Variants in TMEM120A observed in about 807,000 individuals in gnomAD.
The protein encoded by TMEM120A is ion channel TACAN.
In TMEM120A, 45 loss-of-function variants were observed where a neutral mutation model predicts 54.3. The ratio of observed to expected loss-of-function variants is 0.83; its 90% CI spans 0.65 to 1.06. TMEM120A has a LOEUF of 1.06. Among genes scored for constraint, TMEM120A ranks in the 50% least tolerant of loss-of-function variants. The pLI, the probability that TMEM120A is intolerant of heterozygous loss-of-function variation, is 0.00. For missense variants in TMEM120A, 424 were observed against 441.7 expected, an observed-to-expected ratio of 0.96 and a Z score of 0.36; for synonymous variants, 204 against 178.5, an observed-to-expected ratio of 1.14 and a Z score of -1.14.
At chr7:75,990,678 G>A (rs1468490314) in intron 3 of TMEM120A, among the ~76,000 whole-genome samples, 1 of 152,048 alleles carries the variant, frequency 6.6e-6, no homozygotes, top group African/African-American at 2.4e-5. Flanking sequence ...GAGGTCAGAA[G>A]ATCGAGACCA....
In TMEM120A at chr7:75,992,252, G is replaced by T; in HGVS notation, c.209C>A (p.Pro70His). The change falls in exon 3 of 12, where the codon CCC (proline) becomes CAC (histidine). Residue 70 changes from proline to histidine, a missense_variant. Physicochemically the swap from Pro to His is moderately conservative, Grantham distance 77. Transcript: ENST00000493111. ...ELALALKKCK[P>H]SLPAEAEGAA... ...CCCCTCGGCCTCTGCTGGGAGGGAG[G>T]GTTTGCATCTGCGGGTAAGGCCAGA... 6.2e-7 allele frequency: 1 copy of T among 1,605,818 alleles called. No homozygotes were observed.
Position 75,989,036 on chromosome 7 carries a change from G to C in TMEM120A, c.377+129C>G, listed in dbSNP as rs1397881552. ...GGGGGGTGGAGGGGAAGGCCGGGTT[G>C]GGGGGTGGAGGGGAAGGCCGGGTTC... On this transcript the variant is annotated intron_variant, in intron 4 of 11. Coordinates refer to ENST00000493111, the MANE Select transcript of TMEM120A (RefSeq NM_031925.3). The C allele has an allele frequency of 1.3e-3, 215 of 160,312 alleles. 23 individuals are homozygous for C. The highest frequency in any genetic ancestry group is 2.3e-3 in the South Asian group (52 of 22,726). The allele number at this position is 160,312 out of a possible 1,614,324, so 9.9% of individuals were successfully genotyped here. A position where few individuals can be genotyped will look rare whatever the true frequency, so the allele number is the denominator to read the frequency against.
chr7:75,987,703 C>A lies in TMEM120A; in HGVS notation c.784+15G>T, dbSNP rs782778101. 1 of 1,611,430 alleles carries A rather than the reference C, an allele frequency of 6.2e-7. No homozygotes were observed. The highest frequency in any genetic ancestry group is 1.1e-5 in the South Asian group (1 of 90,802). ...AAAGGGGAATGTCCAGATGCCAGGG[C>A]CACTCCCGACTCACCCACAGTGAGG... On this transcript the variant is annotated intron_variant, in intron 9 of 11. Transcript: ENST00000493111.
chr7:75,987,708 C>A lies in TMEM120A; in HGVS notation c.784+10G>T. On this transcript the variant is annotated intron_variant, in intron 9 of 11. Coordinates refer to ENST00000493111, the MANE Select transcript of TMEM120A (RefSeq NM_031925.3). Reference sequence around the variant, plus strand: ...GGAATGTCCAGATGCCAGGGCCACTCCCGACTCACCCACAGTGAGGTCCAT... The same window carrying A: ...GGAATGTCCAGATGCCAGGGCCACTACCGACTCACCCACAGTGAGGTCCAT... The A allele has an allele frequency of 6.2e-7, 1 of 1,611,854 alleles. No individual in the cohort carries two copies. The highest frequency in any genetic ancestry group is 1.1e-5 in the South Asian group (1 of 90,904).
At chr7:75,991,760 G>T (rs1187870481) in intron 3 of TMEM120A, among the ~76,000 whole-genome samples, 1 of 152,062 alleles carries the variant, frequency 6.6e-6, no homozygotes, top group African/African-American at 2.4e-5. Flanking sequence ...ACCCAGGCTG[G>T]TCTTGAACTC....
At position 75,987,883 on chromosome 7, in the gene TMEM120A, G is replaced by A. The variant is rs943947898; in HGVS notation, c.691+40C>T. 6 of 1,598,328 alleles carry A rather than the reference G, an allele frequency of 3.8e-6. No individual in the cohort carries two copies. In the African/African-American group the frequency reaches 6.7e-5, roughly 18 times the overall value. ...TTCCCTGCCCCTGCCCCCCACCACG[G>A]GTGCCTCCAGGGCTCAGCACAGACA... is the stretch of plus-strand genomic sequence containing the variant. On this transcript the variant is annotated intron_variant, in intron 8 of 11. Coordinates refer to ENST00000493111, the MANE Select transcript of TMEM120A (RefSeq NM_031925.3).
chr7:75,994,466 C>G (rs782153980), intron 1 of TMEM120A, 24 bp downstream of exon 1: 2 of 1,550,348 alleles, frequency 1.3e-6, no homozygotes, highest in Admixed American at 3.9e-5. Context: ...TCGGGGGCGA[C>G]CCGGCGTCCG....
Position 75,989,201 on chromosome 7 carries a change from C to T in TMEM120A, c.341G>A (p.Gly114Glu). Residue 114 changes from glycine (G) to glutamate (E), a missense_variant, in exon 4 of 12, where the codon GGG becomes GAG. By Grantham distance (98) the Gly-to-Glu change is moderately conservative (BLOSUM62 -2). Coordinates refer to ENST00000493111, the MANE Select transcript of TMEM120A (RefSeq NM_031925.3). ...KNGLYLSLVL[G>E]NVNVTLLSKQ... ...GCTCAGGAGCGTGACGTTGACGTTCCCCAGAACCAGGCTCAGGTACAATCT... is the reference window on the plus strand; with the variant it reads ...GCTCAGGAGCGTGACGTTGACGTTCTCCAGAACCAGGCTCAGGTACAATCT... 2 of 1,564,634 alleles carry T rather than the reference C, an allele frequency of 1.3e-6. No homozygotes were observed. The highest frequency in any genetic ancestry group is 1.7e-6 in the Non-Finnish European group (2 of 1,155,774).
chr7:75,989,104 G>GGGTGGAGGGGGGGA lies in TMEM120A; in HGVS notation c.377+60_377+61insTCCCCCCCTCCACC, dbSNP rs1789723855. 1.7e-4 allele frequency: 80 copies of GGGTGGAGGGGGGGA among 470,606 alleles called. 1 individual carries two copies. The highest frequency in any genetic ancestry group is 2.3e-4 in the South Asian group (11 of 47,400). 29.2% of individuals were successfully genotyped at this position (470,606 alleles called of 1,614,324 possible). On this transcript the variant is annotated intron_variant, in intron 4 of 11. Transcript: ENST00000493111. ...GAGGGGTGGAGGTTGAGGGGGGGAG[G>GGGTGGAGGGGGGGA]GGGGTAGGGGGCTAGGGGTGGAGGG...
intron 1 of TMEM120A, among the ~76,000 whole-genome samples, chr7:75,994,019 CCT>C (rs1789951417): frequency 6.7e-6 from 1 of 148,232 alleles, no homozygotes; most frequent in African/African-American, 2.5e-5. Context: ...TGTCAAGTCC[CCT>C]CTTTCCTTCC....
chr7:75,988,311 C>G lies in TMEM120A; in HGVS notation c.504G>C (p.Leu168=). The change falls in exon 6 of 12, where the codon CTG becomes CTC. Residue 168 remains leucine (L), a synonymous_variant. Transcript: ENST00000493111. ...TGGTCAGGGTGCAGTAGTACCAGAC[C>G]AGCAGGAAGTTGAAGGCAGCATCTG... The part of the protein sequence containing the change: ...RVTDAAFNFL[L]VWYYCTLTIR... 1 of 1,612,090 alleles carries G rather than the reference C, an allele frequency of 6.2e-7. No homozygotes were observed. Among genetic ancestry groups the G allele is most frequent in the Middle Eastern group, 1.7e-4 (1 of 6,060 alleles).
intron 3 of TMEM120A, among the ~76,000 whole-genome samples, chr7:75,990,006 G>C (rs1333786414): frequency 6.6e-6 from 1 of 152,090 alleles, no homozygotes; most frequent in Non-Finnish European, 1.5e-5. Context: ...TCACACTCAA[G>C]CCAAACAGAC....
At position 75,989,102 on chromosome 7, in the gene TMEM120A, AG is replaced by A. The variant is rs1284035027; in HGVS notation, c.377+62del. ...TGGAGGGGTGGAGGTTGAGGGGGGG[AG>A]GGGGGTAGGGGGCTAGGGGTGGAGG... On this transcript the variant is annotated intron_variant, in intron 4 of 11. Transcript: ENST00000493111. 34 of 345,236 alleles carry A rather than the reference AG, an allele frequency of 9.8e-5. 4 individuals are homozygous for A. The African/African-American group carries it at 1.0e-3, about 11-fold the overall frequency. The allele number at this position is 345,236 out of a possible 1,614,324, so 21.4% of individuals were successfully genotyped here.
At position 75,987,016 on chromosome 7, in the gene TMEM120A, G is replaced by C; in HGVS notation, c.*156C>G. ...TGGGCCTCTCTTTATTGAGGGCACT[G>C]GGCCCAGGTCTTCCTTCAGGGCCCA... is the stretch of plus-strand genomic sequence containing the variant. On this transcript the variant is annotated 3_prime_UTR_variant, in exon 12 of 12. Transcript: ENST00000493111. The C allele has an allele frequency of 1.5e-6, 1 of 666,290 alleles. No homozygotes were observed. Among genetic ancestry groups the C allele is most frequent in the Non-Finnish European group, 2.6e-6 (1 of 387,596 alleles). 41.3% of individuals were successfully genotyped at this position (666,290 alleles called of 1,614,324 possible). A position where few individuals can be genotyped will look rare whatever the true frequency, so the allele number is the denominator to read the frequency against.
intron 3 of TMEM120A, 60 bp from the exon 4 acceptor site, chr7:75,989,284 C>G (rs1330330199): frequency 6.9e-6 from 8 of 1,151,328 alleles, no homozygotes; most frequent in Non-Finnish European, 1.0e-5. Context: ...CACCGGTACT[C>G]AGCCAAGCCT....
At chr7:75,993,647 A>T (rs1240361057) in intron 1 of TMEM120A, among the ~76,000 whole-genome samples, 2 of 152,192 alleles carry the variant, frequency 1.3e-5, no homozygotes, top group Non-Finnish European at 2.9e-5. Flanking sequence ...AGGAGAGGCC[A>T]AGGGCTAACC....
intron 10 of TMEM120A, 53 bp from the exon 11 acceptor site, chr7:75,987,481 GA>G: frequency 6.5e-7 from 1 of 1,539,678 alleles, no homozygotes; most frequent in Non-Finnish European, 8.7e-7. Context: ...GCTGGAGCCC[GA>G]AACCGGCGCA....
chr7:75,987,796 G>GA lies in TMEM120A; in HGVS notation c.705dup (p.Leu236SerfsTer54). 6.2e-7 allele frequency: 1 copy of GA among 1,611,996 alleles called. No individual in the cohort carries two copies. Among genetic ancestry groups the GA allele is most frequent in the Non-Finnish European group, 8.5e-7 (1 of 1,179,650 alleles). On this transcript the variant is annotated frameshift_variant, in exon 9 of 12. Coordinates refer to ENST00000493111, the MANE Select transcript of TMEM120A (RefSeq NM_031925.3). LOFTEE classifies it high-confidence loss of function. ...CAGCCGCTCTGGTAGTAGTACTGGA[G>GA]AAACTGCACGAAGCCTGGGCCGGGC...
intron 6 of TMEM120A, 26 bp downstream of exon 6, chr7:75,988,226 C>T (rs781874900): frequency 3.7e-6 from 6 of 1,611,956 alleles, no homozygotes; most frequent in Non-Finnish European, 5.1e-6. Context: ...TCCATGCTCC[C>T]CTCCCTCAGG....
Sources: allele counts gnomAD v4.1 joint callset (sites outside exome capture counted in the v4.1 genomes callset), GRCh38; gene constraint gnomAD v4.1.1; transcripts MANE v1.5; gene names NCBI Gene and HGNC (gene_info 2026-07-23, HGNC 2026-07-21).